Variants in GRXCR2 observed in about 807,000 individuals in gnomAD.
The protein encoded by GRXCR2 is glutaredoxin and cysteine rich domain containing 2.
In GRXCR2, 23 loss-of-function variants were observed where a neutral mutation model predicts 24.8. The ratio of observed to expected loss-of-function variants is 0.93; its 90% CI spans 0.67 to 1.32. GRXCR2 has a LOEUF of 1.32. Among genes scored for constraint, GRXCR2 ranks in the 40% most tolerant of loss-of-function variants. The pLI is 0.00. For missense variants in GRXCR2, 315 were observed against 303.4 expected, an observed-to-expected ratio of 1.04 and a Z score of -0.28; for synonymous variants, 130 against 116.1, an observed-to-expected ratio of 1.12 and a Z score of -0.77.
intron 2 of GRXCR2, among the ~76,000 whole-genome samples, chr5:145,896,956 A>G (rs1450682449): frequency 6.6e-6 from 1 of 152,026 alleles, no homozygotes; most frequent in African/African-American, 2.4e-5. Context: ...ATGCAGCCAT[A>G]AAAAAGGATG....
intron 2 of GRXCR2, among the ~76,000 whole-genome samples, chr5:145,896,884 C>T (rs1002021633): frequency 7.9e-5 from 12 of 151,986 alleles, no homozygotes; most frequent in Non-Finnish European, 1.6e-4. Context: ...GGAACCAAGC[C>T]AAATGTCCAA....
At chr5:145,893,402 G>C (rs940267353) in intron 2 of GRXCR2, among the ~76,000 whole-genome samples, 19 of 152,048 alleles carry the variant, frequency 1.2e-4, no homozygotes, top group Non-Finnish European at 2.4e-4. Flanking sequence ...CACGTGCAGA[G>C]ACACACATAG....
chr5:145,872,700 T>C lies in GRXCR2; in HGVS notation c.269A>G (p.Glu90Gly). The C allele has an allele frequency of 6.2e-7, 1 of 1,613,978 alleles. No homozygotes were observed. Among genetic ancestry groups the C allele is most frequent in the Non-Finnish European group, 8.5e-7 (1 of 1,179,880 alleles). Residue 90 changes from glutamate to glycine, a missense_variant, in exon 1 of 3, where the codon GAG (glutamate) becomes GGG (glycine). Physicochemically the swap from Glu to Gly is moderately conservative, Grantham distance 98. Coordinates refer to ENST00000377976, the MANE Select transcript of GRXCR2 (RefSeq NM_001080516.2). The part of the protein sequence containing the change: ...LTAQRISVFR[E>G]GNAYTLAGGQ... ...GCCTGCCAAGGTGTAGGCATTACCC[T>C]CTCTAAACACACTGATCCTCTGAGC...
intron 2 of GRXCR2, among the ~76,000 whole-genome samples, chr5:145,916,244 A>G (rs890800749): frequency 2.6e-5 from 4 of 152,222 alleles, no homozygotes; most frequent in African/African-American, 9.7e-5. Context: ...TGAGCAATAA[A>G]GATGATAAGA....
chr5:145,925,171 G>C (rs115299212), intron 2 of GRXCR2, among the ~76,000 whole-genome samples: 2 of 152,140 alleles, frequency 1.3e-5, no homozygotes, highest in Non-Finnish European at 2.9e-5. Context: ...GCATGTTTAA[G>C]TAATTTGCTG....
In GRXCR2 at chr5:145,926,857, T is replaced by C. The variant is rs548552810; in HGVS notation, c.-70+8844A>G. On this transcript the variant is annotated intron_variant, in intron 2 of 3. Transcript: ENST00000639411. Reference sequence around the variant, plus strand: ...TCACAATATTGATTCTTCCTACCCATGAGCATGGAATATTCTTCCATTTGT... The same window carrying C: ...TCACAATATTGATTCTTCCTACCCACGAGCATGGAATATTCTTCCATTTGT... 4.1e-4 allele frequency among the ~76,000 whole-genome samples: 63 copies of C among 152,352 alleles called. No homozygotes were observed. The East Asian group carries it at 0.011, about 27-fold the overall frequency.
Position 145,891,505 on chromosome 5 carries a change from G to A in GRXCR2, c.-69-24777C>T, listed in dbSNP as rs113395360. On this transcript the variant is annotated intron_variant, in intron 2 of 3. Transcript: ENST00000639411. ...GATTATATCCTGTGCCTGGCTCGGA[G>A]GGTCCTACGCCCACGGAGCCTTGCT... 2.2e-3 allele frequency among the ~76,000 whole-genome samples: 334 copies of A among 152,328 alleles called. 1 individual carries two copies. The highest frequency in any genetic ancestry group is 7.5e-3 in the African/African-American group (313 of 41,576).
chr5:145,918,788 C>A (rs1236136441), intron 2 of GRXCR2, among the ~76,000 whole-genome samples: 1 of 152,156 alleles, frequency 6.6e-6, no homozygotes, highest in Non-Finnish European at 1.5e-5. Flanking sequence ...ATTTACTGCC[C>A]ATTTACAAGT....
intron 2 of GRXCR2, among the ~76,000 whole-genome samples, chr5:145,930,905 A>G (rs376272302): frequency 2.0e-5 from 3 of 152,224 alleles, no homozygotes; most frequent in South Asian, 4.1e-4. Flanking sequence ...CACTTTATCC[A>G]TGAGGAATCC....
At chr5:145,863,052 A>G (rs1329132118) in intron 2 of GRXCR2, among the ~76,000 whole-genome samples, 1 of 152,232 alleles carries the variant, frequency 6.6e-6, no homozygotes. Context: ...TTCACTGAGC[A>G]CAAAGCCAAA....
At chr5:145,880,320 G>A (rs916444195) in intron 2 of GRXCR2, among the ~76,000 whole-genome samples, 1 of 152,064 alleles carries the variant, frequency 6.6e-6, no homozygotes, top group African/African-American at 2.4e-5. Context: ...AAGAAGAAAA[G>A]AGAGAAGAAT....
At chr5:145,885,887 T>C (rs1245649798) in intron 2 of GRXCR2, among the ~76,000 whole-genome samples, 1 of 152,148 alleles carries the variant, frequency 6.6e-6, no homozygotes, top group Non-Finnish European at 1.5e-5. Flanking sequence ...GGGCATGTTC[T>C]ACATAAGAAA....
intron 2 of GRXCR2, among the ~76,000 whole-genome samples, chr5:145,921,987 C>T (rs1305584224): frequency 6.6e-6 from 1 of 152,126 alleles, no homozygotes; most frequent in Admixed American, 6.5e-5. Context: ...TGGGTGAAAA[C>T]ATTTGTTGTC....
At chr5:145,892,310 A>C (rs1001053887) in intron 2 of GRXCR2, among the ~76,000 whole-genome samples, 3 of 152,226 alleles carry the variant, frequency 2.0e-5, no homozygotes, top group African/African-American at 7.2e-5. Flanking sequence ...GGAGAGAAGA[A>C]GGCTTCAGAT....
intron 2 of GRXCR2, among the ~76,000 whole-genome samples, chr5:145,890,204 C>A (rs1255736265): frequency 6.6e-6 from 1 of 152,158 alleles, no homozygotes; most frequent in Non-Finnish European, 1.5e-5. Context: ...TTCTCCTGCC[C>A]TCAACCTCCT....
chr5:145,903,497 C>A (rs1047293044), intron 2 of GRXCR2, among the ~76,000 whole-genome samples: 5 of 149,236 alleles, frequency 3.4e-5, no homozygotes, highest in African/African-American at 1.0e-4. Flanking sequence ...CAAAACATTG[C>A]AGCGCTGTGG....
chr5:145,927,293 C>T (rs1193911806), intron 2 of GRXCR2, among the ~76,000 whole-genome samples: 2 of 152,162 alleles, frequency 1.3e-5, no homozygotes, highest in Admixed American at 1.3e-4. Flanking sequence ...GAGAGGGCAT[C>T]CCTGTCTTGT....
intron 2 of GRXCR2, among the ~76,000 whole-genome samples, chr5:145,929,347 A>C (rs1757449424): frequency 6.6e-6 from 1 of 151,694 alleles, no homozygotes; most frequent in African/African-American, 2.4e-5. Context: ...AATTTATAGA[A>C]GTGGTATTTT....
rs571368033 is a variant in GRXCR2, at chr5:145,869,819, A to G, written c.336+2814T>C. Among the ~76,000 whole-genome samples, 81 of 152,212 alleles carry G rather than the reference A, an allele frequency of 5.3e-4. 1 individual carries two copies. Among genetic ancestry groups the G allele is most frequent in the African/African-American group, 1.8e-3 (75 of 41,530 alleles). On this transcript the variant is annotated intron_variant, in intron 1 of 2. Transcript: ENST00000377976. ...TGATCTGCCCTCCTCAGTCTCCCCA[A>G]GTGCTGGGATTACAGGTGTGGGCCA...
Sources: gnomAD v4.1 joint callset for allele counts (sites outside exome capture counted in the v4.1 genomes callset) on GRCh38, gnomAD v4.1.1 for gene constraint, MANE v1.5 for transcripts, NCBI Gene and HGNC (gene_info 2026-07-23, HGNC 2026-07-21) for gene names.